Variants in PRKCB observed in about 807,000 individuals in gnomAD.
PRKCB encodes the protein protein kinase C beta.
In PRKCB, 13 loss-of-function variants were observed where a neutral mutation model predicts 81.5. The ratio of observed to expected loss-of-function variants is 0.16; its 90% CI spans 0.10 to 0.25. The LOEUF (loss-of-function observed/expected upper bound fraction) is 0.25, where lower values mean the gene tolerates loss of function less well. PRKCB is among the 10% of genes least tolerant of loss of function. The pLI, the probability that PRKCB is intolerant of heterozygous loss-of-function variation, is 1.00. For missense variants in PRKCB, 509 were observed against 875.7 expected, an observed-to-expected ratio of 0.58 and a Z score of 5.29; for synonymous variants, 335 against 321.4, an observed-to-expected ratio of 1.04 and a Z score of -0.45.
intron 2 of PRKCB, among the ~76,000 whole-genome samples, chr16:23,842,748 C>T (rs1962288688): frequency 6.6e-6 from 1 of 151,986 alleles, no homozygotes; most frequent in Admixed American, 6.6e-5. Context: ...CTTAAAAAAC[C>T]CCAAAGTCTG....
At chr16:24,159,496 T>C (rs1967221738) in intron 10 of PRKCB, among the ~76,000 whole-genome samples, 1 of 143,468 alleles carries the variant, frequency 7.0e-6, no homozygotes, top group Non-Finnish European at 1.5e-5. Context: ...CTGATACCTC[T>C]ATTGGAAAGG....
intron 5 of PRKCB, among the ~76,000 whole-genome samples, chr16:24,054,082 C>T (rs776580963): frequency 6.6e-6 from 1 of 152,308 alleles, no homozygotes. Context: ...AAGCAATCCT[C>T]CTGCCTCAGC....
At chr16:23,846,613 A>AAAC (rs1962373865) in intron 2 of PRKCB, among the ~76,000 whole-genome samples, 1 of 150,746 alleles carries the variant, frequency 6.6e-6, no homozygotes. Context: ...CGTCTCAAAA[A>AAAC]AAAAAAAAAA....
At chr16:24,083,782 A>C (rs987788955) in intron 5 of PRKCB, among the ~76,000 whole-genome samples, 2 of 152,214 alleles carry the variant, frequency 1.3e-5, no homozygotes, top group African/African-American at 4.8e-5. Flanking sequence ...CTATACATGC[A>C]TTAAAATGTA....
intron 7 of PRKCB, among the ~76,000 whole-genome samples, chr16:24,109,595 C>T (rs371079615): frequency 3.1e-4 from 40 of 129,566 alleles, no homozygotes; most frequent in Admixed American, 6.5e-4. Flanking sequence ...GGATGGCGGC[C>T]GGGCGGAGAC....
chr16:23,841,360 A>T (rs1256161690), intron 2 of PRKCB, among the ~76,000 whole-genome samples: 2 of 152,152 alleles, frequency 1.3e-5, no homozygotes, highest in Non-Finnish European at 2.9e-5. Flanking sequence ...GATTACAGGC[A>T]TGAGCTACAG....
chr16:23,882,017 T>TTCCTTC (rs1567301094), intron 2 of PRKCB, among the ~76,000 whole-genome samples: 248 of 15,608 alleles, frequency 0.016, 1 homozygote, highest in African/African-American at 0.026. Context: ...TTTCTTTCTT[T>TTCCTTC]CTTTCTTCCT....
intron 7 of PRKCB, among the ~76,000 whole-genome samples, chr16:24,109,751 C>A (rs1372293951): frequency 7.4e-6 from 1 of 135,196 alleles, no homozygotes; most frequent in African/African-American, 3.5e-5. Flanking sequence ...GAGGCCAAGG[C>A]AGGCGGCTGG....
At chr16:23,990,406 G>A (rs55957640) in intron 3 of PRKCB, among the ~76,000 whole-genome samples, 4 of 151,594 alleles carry the variant, frequency 2.6e-5, no homozygotes, top group South Asian at 2.1e-4. Context: ...TGCAGTAAGC[G>A]GAGATCGCAC....
chr16:24,087,791 G>C (rs1334138437), intron 5 of PRKCB, among the ~76,000 whole-genome samples: 1 of 152,188 alleles, frequency 6.6e-6, no homozygotes, highest in Non-Finnish European at 1.5e-5. Flanking sequence ...ATCTTTTTAT[G>C]GATTCAGTGC....
At chr16:24,061,927 A>AAAC (rs1555494244) in intron 5 of PRKCB, among the ~76,000 whole-genome samples, 10 of 150,030 alleles carry the variant, frequency 6.7e-5, no homozygotes, top group African/African-American at 2.5e-4. Flanking sequence ...AAAAAAAAAA[A>AAAC]AAAAAACTTG....
At chr16:23,967,351 A>T (rs1567328801) in intron 2 of PRKCB, among the ~76,000 whole-genome samples, 1 of 152,220 alleles carries the variant, frequency 6.6e-6, no homozygotes, top group Non-Finnish European at 1.5e-5. Flanking sequence ...GCTTCCTCAT[A>T]GTCACCCATG....
chr16:23,958,627 G>A (rs1029963900), intron 2 of PRKCB, among the ~76,000 whole-genome samples: 45 of 151,982 alleles, frequency 3.0e-4, no homozygotes, highest in African/African-American at 1.1e-3. Flanking sequence ...TACTTAGCAC[G>A]GCACTTGGCA....
intron 5 of PRKCB, among the ~76,000 whole-genome samples, chr16:24,057,519 T>C (rs1965919117): frequency 6.6e-6 from 1 of 152,230 alleles, no homozygotes; most frequent in African/African-American, 2.4e-5. Context: ...ATTTGCTAGA[T>C]ACTGGATGGC....
At chr16:23,851,809 A>G (rs1962476553) in intron 2 of PRKCB, among the ~76,000 whole-genome samples, 1 of 152,114 alleles carries the variant, frequency 6.6e-6, no homozygotes. Context: ...TTCCTTGGAT[A>G]CATTTACACC....
At chr16:24,139,318 A>G (rs1966879336) in intron 9 of PRKCB, among the ~76,000 whole-genome samples, 1 of 152,204 alleles carries the variant, frequency 6.6e-6, no homozygotes, top group Non-Finnish European at 1.5e-5. Context: ...CAATTAGACG[A>G]CACAGCCCAG....
chr16:23,927,413 C>T (rs1250137725), intron 2 of PRKCB, among the ~76,000 whole-genome samples: 1 of 152,052 alleles, frequency 6.6e-6, no homozygotes, highest in Non-Finnish European at 1.5e-5. Context: ...AAGTAAGGAA[C>T]CCTGTCATAA....
chr16:23,854,426 G>A (rs897258953), intron 2 of PRKCB, among the ~76,000 whole-genome samples: 7 of 152,166 alleles, frequency 4.6e-5, no homozygotes, highest in Non-Finnish European at 8.8e-5. Context: ...GGGCTCAGCT[G>A]GGTGGTCTGT....
At chr16:24,117,489 A>G (rs1966748679) in intron 8 of PRKCB, among the ~76,000 whole-genome samples, 1 of 152,200 alleles carries the variant, frequency 6.6e-6, no homozygotes, top group African/African-American at 2.4e-5. Flanking sequence ...GTGCTTTGCA[A>G]ATATTAACTC....
Sources: allele counts gnomAD v4.1 joint callset (sites outside exome capture counted in the v4.1 genomes callset), GRCh38; gene constraint gnomAD v4.1.1; transcripts MANE v1.5; gene names NCBI Gene and HGNC (gene_info 2026-07-23, HGNC 2026-07-21).